The following L3MBTL1 variants were observed in gnomAD, a reference collection of about 807,000 sequenced individuals.
The protein encoded by L3MBTL1 is lethal(3)malignant brain tumor-like protein 1.
L3MBTL1 carries 75 observed loss-of-function variants against 105.3 expected under a neutral mutation model. The ratio of observed to expected loss-of-function variants is 0.71; its 90% CI spans 0.59 to 0.86. L3MBTL1 has a LOEUF of 0.86. Among genes scored for constraint, L3MBTL1 ranks in the 40% least tolerant of loss-of-function variants. The pLI is 0.00. For synonymous variants in L3MBTL1, 452 were observed against 436.2 expected (o/e 1.04, Z -0.45); for missense variants, 1,069 against 1,126.4 (o/e 0.95, Z 0.73).
In L3MBTL1 at chr20:43,513,919, C is replaced by G; in HGVS notation, c.218C>G (p.Pro73Arg). 6.4e-7 allele frequency: 1 copy of G among 1,550,492 alleles called. No individual in the cohort carries two copies. Among genetic ancestry groups the G allele is most frequent in the Non-Finnish European group, 8.7e-7 (1 of 1,146,992 alleles). ...CGGGAGCCAATCCATGTGGGTGCCC[C>G]GGAGCAAGTGGCCGGCTGCGAACCA... Reference protein sequence around the residue: ...FPREPIHVGAPEQVAGCEPVS... With the variant: ...FPREPIHVGAREQVAGCEPVS... Residue 73 changes from proline to arginine, a missense_variant, in exon 3 of 22, where the codon CCG becomes CGG. Physicochemically the swap from Pro to Arg is moderately radical, Grantham distance 103. Coordinates refer to ENST00000418998, the MANE Select transcript of L3MBTL1 (RefSeq NM_001377303.1).
intron 7 of L3MBTL1, among the ~76,000 whole-genome samples, chr20:43,526,097 A>G (rs1465783215): frequency 6.6e-6 from 1 of 152,194 alleles, no homozygotes; most frequent in Non-Finnish European, 1.5e-5. Flanking sequence ...TGGGGGTCTC[A>G]GAGCTTGGTC....
chr20:43,539,770 A>G (rs1391154945), intron 19 of L3MBTL1: 2 of 329,794 alleles, frequency 6.1e-6, no homozygotes, highest in South Asian at 2.7e-5. Flanking sequence ...GACTTCTGAC[A>G]TCAAGGCTGA....
rs549925659 is a variant in L3MBTL1, at chr20:43,513,604, G to A, written c.101G>A (p.Gly34Asp). The A allele has an allele frequency of 2.6e-6, 4 of 1,550,546 alleles. No homozygotes were observed. In the African/African-American group the frequency reaches 5.5e-5, roughly 21 times the overall value. The change falls in exon 2 of 22, where the codon GGT becomes GAT. Residue 34 changes from glycine to aspartate, a missense_variant. By Grantham distance (94) the Gly-to-Asp change is moderately conservative. Coordinates refer to ENST00000418998, the MANE Select transcript of L3MBTL1 (RefSeq NM_001377303.1). Reference sequence around the variant, plus strand: ...GTGGCCGGAGACAGCCCCGGTTCTGGTCCTCACCTGCCCGCAACTGCCTTC... The same window carrying A: ...GTGGCCGGAGACAGCCCCGGTTCTGATCCTCACCTGCCCGCAACTGCCTTC... ...HLVAGDSPGS[G>D]PHLPATAFII...
chr20:43,508,046 C>G (rs993003735), intron 1 of L3MBTL1, among the ~76,000 whole-genome samples: 3 of 152,150 alleles, frequency 2.0e-5, no homozygotes, highest in African/African-American at 7.2e-5. Context: ...TGGAGATACG[C>G]AATCAATTAA....
intron 18 of L3MBTL1, among the ~76,000 whole-genome samples, chr20:43,547,630 A>C (rs1978707874): frequency 1.3e-5 from 2 of 151,924 alleles, no homozygotes; most frequent in Admixed American, 1.3e-4. Context: ...TGGCAAGACT[A>C]GTTCCTAGGT....
Position 43,531,020 on chromosome 20 carries a change from T to C in L3MBTL1, c.1284+131T>C. On this transcript the variant is annotated intron_variant, in intron 11 of 21. Coordinates refer to ENST00000418998, the MANE Select transcript of L3MBTL1 (RefSeq NM_001377303.1). ...CTCAGCTTTGTTCTGATCTCTCATA[T>C]CAGATGGGAGGGGTACAGCTGGGCA... The C allele has an allele frequency of 4.0e-6, 3 of 746,128 alleles. 1 individual carries two copies. The highest frequency in any genetic ancestry group is 2.7e-5 in the East Asian group (1 of 36,712). 46.2% of individuals were successfully genotyped at this position (746,128 alleles called of 1,614,324 possible).
At chr20:43,549,088 C>CCTAG (rs1274142049) in exon 19 of L3MBTL1, 1 of 152,236 alleles carries the variant, frequency 6.6e-6, no homozygotes, top group Non-Finnish European at 1.5e-5. Flanking sequence ...AAGGAGTAAG[C>CCTAG]CTAGCCTGCC....
intron 3 of L3MBTL1, 101 bp from the exon 4 acceptor site, chr20:43,514,534 C>T (rs1023791459): frequency 1.2e-5 from 19 of 1,575,746 alleles, no homozygotes; most frequent in Non-Finnish European, 1.6e-5. Context: ...CTGCTGAGGG[C>T]GTGAGCTGGC....
chr20:43,540,570 C>T (rs1363766212), intron 20 of L3MBTL1, among the ~76,000 whole-genome samples, 183 bp from the exon 21 acceptor site: 1 of 152,146 alleles, frequency 6.6e-6, no homozygotes, highest in African/African-American at 2.4e-5. Flanking sequence ...GCTTCGGTCC[C>T]AGGCCTCAGA....
downstream of L3MBTL1, among the ~76,000 whole-genome samples, chr20:43,545,196 T>C (rs1330423619): frequency 7.2e-5 from 11 of 151,794 alleles, no homozygotes; most frequent in Non-Finnish European, 1.6e-4. Context: ...TGAAACCCTG[T>C]CTATACGAAA....
chr20:43,534,461 A>G, intron 15 of L3MBTL1, 67 bp downstream of exon 15: 1 of 1,276,630 alleles, frequency 7.8e-7, no homozygotes, highest in Admixed American at 1.7e-5. Flanking sequence ...TAGACTGTTT[A>G]GAGGTCAGGG....
At chr20:43,507,857 T>G (rs2018020951) in intron 1 of L3MBTL1, 113 bp downstream of exon 1, 1 of 151,446 alleles carries the variant, frequency 6.6e-6, no homozygotes, top group Non-Finnish European at 1.5e-5. Context: ...TCTCGCTCCT[T>G]CCGAGCGCCT....
chr20:43,520,155 A>G (rs2145406920), intron 7 of L3MBTL1, among the ~76,000 whole-genome samples: 1 of 152,278 alleles, frequency 6.6e-6, no homozygotes, highest in African/African-American at 2.4e-5. Flanking sequence ...ATATAAATGG[A>G]ATTATATATT....
chr20:43,515,853 AATAAGGAG>A, intron 6 of L3MBTL1: 1 of 518,782 alleles, frequency 1.9e-6, no homozygotes, highest in Non-Finnish European at 3.5e-6. Context: ...TCTACCAGAT[AATAAGGAG>A]AGTTGTAGTC....
rs201744516 is a variant in L3MBTL1 at position 43,516,182 on chromosome 20, G to T, written c.862+5G>T. 1.4e-5 allele frequency: 23 copies of T among 1,611,596 alleles called. No homozygotes were observed. The highest frequency in any genetic ancestry group is 2.0e-5 in the Non-Finnish European group (23 of 1,178,020). On this transcript the variant is annotated splice_donor_5th_base_variant and intron_variant, in intron 7 of 21. Transcript: ENST00000418998. ...AGTGGAGCAGCAGCCAGCCTGGTACGGTGGCTTGTGTGTATATATATTCGT... is the reference window on the plus strand; with the variant it reads ...AGTGGAGCAGCAGCCAGCCTGGTACTGTGGCTTGTGTGTATATATATTCGT...
In L3MBTL1 at chr20:43,534,089, A is replaced by G. The variant is rs1287549783; in HGVS notation, c.1595A>G (p.Lys532Arg). 5.0e-6 allele frequency: 8 copies of G among 1,613,310 alleles called. No homozygotes were observed. The highest frequency in any genetic ancestry group is 6.8e-6 in the Non-Finnish European group (8 of 1,179,262). ...TCTGCTGTCCCCACCTGGGCCTTCA[A>G]GGTGGTGAGTCAGTGCTCCCTGACC... ...GASAVPTWAFKVRPPHSFLVN... is the reference protein window; with the variant it reads ...GASAVPTWAFRVRPPHSFLVN... Residue 532 changes from lysine to arginine, a missense_variant, in exon 14 of 22, where the codon AAG becomes AGG. Lys to Arg is a conservative substitution (Grantham distance 26). Transcript: ENST00000418998.
Position 43,515,039 on chromosome 20 carries a change from C to T in L3MBTL1, c.533C>T (p.Pro178Leu), listed in dbSNP as rs2018307990. ...CACCCCCAGAATCCTCCAGAAGATC[C>T]CAATCAGGACCCCCCAGAGGATGAT... The part of the protein sequence containing the change: ...EDHPQNPPED[P>L]NQDPPEDDST... The change falls in exon 5 of 22, where the codon CCC becomes CTC. Residue 178 changes from proline to leucine, a missense_variant. By Grantham distance (98) the Pro-to-Leu change is moderately conservative (BLOSUM62 -3). Coordinates refer to ENST00000418998, the MANE Select transcript of L3MBTL1 (RefSeq NM_001377303.1). 6 of 1,614,058 alleles carry T rather than the reference C, an allele frequency of 3.7e-6. No homozygotes were observed. Among genetic ancestry groups the T allele is most frequent in the Non-Finnish European group, 5.1e-6 (6 of 1,179,950 alleles).
At chr20:43,529,071 C>T in intron 8 of L3MBTL1, 193 bp from the exon 9 acceptor site, 1 of 608,128 alleles carries the variant, frequency 1.6e-6, no homozygotes, top group Middle Eastern at 4.4e-4. Context: ...CTGACTCACC[C>T]ACATTTTTCA....
At chr20:43,549,997 C>T (rs1265689832) in exon 19 of L3MBTL1, 1 of 152,202 alleles carries the variant, frequency 6.6e-6, no homozygotes, top group South Asian at 2.1e-4. Context: ...TCCATTCCCT[C>T]TCAACTGCTT....
Sources: gnomAD v4.1 joint callset for allele counts (sites outside exome capture counted in the v4.1 genomes callset) on GRCh38, gnomAD v4.1.1 for gene constraint, MANE v1.5 for transcripts, NCBI Gene and HGNC (gene_info 2026-07-23, HGNC 2026-07-21) for gene names.